The following AUTS2 variants were observed in gnomAD, a reference collection of about 807,000 sequenced individuals.
AUTS2 encodes the protein activator of transcription and developmental regulator AUTS2, also known as autism susceptibility gene 2 protein.
In AUTS2, 17 loss-of-function variants were observed where a neutral mutation model predicts 112.4. The observed-to-expected ratio is 0.15, with a 90% confidence interval of 0.10 to 0.23. AUTS2 has a LOEUF of 0.23. Ranked by LOEUF, AUTS2 falls within the 10% of genes least tolerant of loss-of-function variation. The pLI is 1.00. For synonymous variants in AUTS2, 751 were observed against 702.7 expected (o/e 1.07, Z -1.09); for missense variants, 1,510 against 1,701.6 (o/e 0.89, Z 1.98).
rs35215443 is a variant in AUTS2 at position 70,185,257 on chromosome 7, CTTTTTTTTT to C, written c.660+50705_660+50713del. On this transcript the variant is annotated intron_variant, in intron 4 of 18. Transcript: ENST00000342771. ...TGCTTTGGGCCTAAATGACATTAAA[CTTTTTTTTT>C]TTTTTTTTTTTTTTTTTTAAGAAAC... 2.5e-3 allele frequency among the ~76,000 whole-genome samples: 222 copies of C among 87,118 alleles called. 2 individuals are homozygous for C. The highest frequency in any genetic ancestry group is 9.2e-3 in the African/African-American group (201 of 21,910). 57.2% of individuals were successfully genotyped at this position (87,118 alleles called of 152,430 possible). A position where few individuals can be genotyped will look rare whatever the true frequency, so the allele number is the denominator to read the frequency against.
At chr7:70,004,350 T>C (rs1283978543) in intron 2 of AUTS2, among the ~76,000 whole-genome samples, 1 of 135,896 alleles carries the variant, frequency 7.4e-6, no homozygotes, top group African/African-American at 2.7e-5. Context: ...TATATTCATA[T>C]ATATATTATG....
intron 5 of AUTS2, among the ~76,000 whole-genome samples, chr7:70,607,059 C>T (rs536894782): frequency 3.3e-5 from 5 of 152,160 alleles, no homozygotes; most frequent in African/African-American, 1.2e-4. Context: ...CTGACCAATT[C>T]GGAGTGATTT....
intron 4 of AUTS2, among the ~76,000 whole-genome samples, chr7:70,353,382 T>C (rs1791853398): frequency 6.6e-6 from 1 of 152,186 alleles, no homozygotes; most frequent in South Asian, 2.1e-4. Context: ...ATACTATGGT[T>C]GTGTCCCTTA....
At chr7:70,197,580 C>G (rs1225935853) in intron 4 of AUTS2, among the ~76,000 whole-genome samples, 1 of 102,162 alleles carries the variant, frequency 9.8e-6, no homozygotes, top group Admixed American at 1.1e-4. Context: ...AAAGGGGTGA[C>G]GGACGCACCT....
intron 4 of AUTS2, among the ~76,000 whole-genome samples, chr7:70,161,378 G>T (rs1034638829): frequency 1.3e-5 from 2 of 151,676 alleles, no homozygotes; most frequent in Non-Finnish European, 2.9e-5. Context: ...CTCTAAATGG[G>T]ATGTTCTTTC....
chr7:70,269,962 A>G (rs950203797), intron 4 of AUTS2, among the ~76,000 whole-genome samples: 1 of 152,180 alleles, frequency 6.6e-6, no homozygotes, highest in Non-Finnish European at 1.5e-5. Flanking sequence ...TCGCTTAAGC[A>G]TAGGAGTTTG....
Position 69,680,106 on chromosome 7 carries a change from G to A in AUTS2, c.309+80144G>A, listed in dbSNP as rs140916020. Among the ~76,000 whole-genome samples, 14 of 152,288 alleles carry A rather than the reference G, an allele frequency of 9.2e-5. No homozygotes were observed. In the East Asian group the frequency reaches 1.5e-3, roughly 17 times the overall value. On this transcript the variant is annotated intron_variant, in intron 1 of 18. Transcript: ENST00000342771. ...TTACATTGGAAAAATTTAATGGCAC[G>A]TGTATGTTATTCTTATCATGAAGTG...
intron 6 of AUTS2, among the ~76,000 whole-genome samples, chr7:70,704,898 A>G (rs1809654852): frequency 6.6e-6 from 1 of 152,248 alleles, no homozygotes; most frequent in African/African-American, 2.4e-5. Flanking sequence ...CCAATTAACT[A>G]ACAATTATTT....
At chr7:70,563,717 T>G in intron 5 of AUTS2, among the ~76,000 whole-genome samples, 1 of 152,174 alleles carries the variant, frequency 6.6e-6, no homozygotes, top group East Asian at 1.9e-4. Context: ...CGGTGGAAAT[T>G]GAGAAACTGT....
intron 6 of AUTS2, among the ~76,000 whole-genome samples, chr7:70,731,708 C>T (rs1379781574): frequency 6.6e-6 from 1 of 151,626 alleles, no homozygotes; most frequent in Non-Finnish European, 1.5e-5. Flanking sequence ...GGATTACAGG[C>T]ATGAGCCACC....
At chr7:69,780,328 T>A (rs1467489011) in intron 1 of AUTS2, among the ~76,000 whole-genome samples, 1 of 152,230 alleles carries the variant, frequency 6.6e-6, no homozygotes, top group Non-Finnish European at 1.5e-5. Context: ...TTACAATACA[T>A]TTTAGAGGGC....
intron 1 of AUTS2, among the ~76,000 whole-genome samples, chr7:69,739,507 G>GA (rs1787173986): frequency 6.6e-6 from 1 of 152,092 alleles, no homozygotes; most frequent in Admixed American, 6.5e-5. Context: ...ATACCCTGGG[G>GA]ACAAACAGGA....
In AUTS2 at chr7:70,740,720, G is replaced by A. The variant is rs376554827; in HGVS notation, c.743-22150G>A. 2.7e-4 allele frequency among the ~76,000 whole-genome samples: 41 copies of A among 151,964 alleles called. 1 individual carries two copies. In the South Asian group the frequency reaches 7.9e-3, roughly 29 times the overall value. On this transcript the variant is annotated intron_variant, in intron 6 of 18. Coordinates refer to ENST00000342771, the MANE Select transcript of AUTS2 (RefSeq NM_015570.4). ...ATATTTATATAAAGTAATAAATGTG[G>A]GTATTTTATTAATAAATAAGTTACT...
intron 4 of AUTS2, among the ~76,000 whole-genome samples, chr7:70,269,801 A>G (rs1302661651): frequency 1.3e-5 from 2 of 152,194 alleles, no homozygotes; most frequent in Non-Finnish European, 2.9e-5. Flanking sequence ...CTTGGTAGAT[A>G]TATTATTCTT....
chr7:70,481,955 TAAATA>T (rs1418843400), intron 5 of AUTS2, among the ~76,000 whole-genome samples: 1 of 152,194 alleles, frequency 6.6e-6, no homozygotes, highest in Non-Finnish European at 1.5e-5. Context: ...CATGGGAAAT[TAAATA>T]AAATTTACAG....
intron 5 of AUTS2, among the ~76,000 whole-genome samples, chr7:70,651,701 C>T (rs74908310): frequency 0.03 from 4,609 of 152,090 alleles, 144 homozygotes; most frequent in South Asian, 0.086. Context: ...AGCATAAAGT[C>T]GAAAAATCGT....
At chr7:70,544,993 C>T (rs967127658) in intron 5 of AUTS2, among the ~76,000 whole-genome samples, 3 of 152,192 alleles carry the variant, frequency 2.0e-5, no homozygotes, top group Admixed American at 2.0e-4. Flanking sequence ...CCCAGGGGAC[C>T]TCATCCAGCA....
At chr7:69,967,706 T>C (rs1421175747) in intron 2 of AUTS2, among the ~76,000 whole-genome samples, 1 of 152,196 alleles carries the variant, frequency 6.6e-6, no homozygotes, top group Non-Finnish European at 1.5e-5. Flanking sequence ...GTGGGTTTTT[T>C]GTTTTTGCTC....
chr7:70,644,235 G>A (rs7808429), intron 5 of AUTS2, among the ~76,000 whole-genome samples: 129 of 152,062 alleles, frequency 8.5e-4, no homozygotes, highest in Non-Finnish European at 1.3e-3. Context: ...AATGTGATGT[G>A]TAAGTGATAC....
Sources: allele counts gnomAD v4.1 joint callset (sites outside exome capture counted in the v4.1 genomes callset), GRCh38; gene constraint gnomAD v4.1.1; transcripts MANE v1.5; gene names NCBI Gene and HGNC (gene_info 2026-07-23, HGNC 2026-07-21).